MAN1A2: variants seen among roughly 807,000 people sequenced by gnomAD.
The protein encoded by MAN1A2 is mannosyl-oligosaccharide 1,2-alpha-mannosidase IB.
In MAN1A2, 26 loss-of-function variants were observed where a neutral mutation model predicts 75.7. The observed-to-expected ratio is 0.34, with a 90% CI of 0.25 to 0.48. MAN1A2 has a LOEUF of 0.48. MAN1A2 is among the 20% of genes least tolerant of loss of function. The pLI, the probability that MAN1A2 is intolerant of heterozygous loss-of-function variation, is 0.99. For missense variants in MAN1A2, 562 were observed against 775.5 expected (o/e 0.72, Z 3.27); for synonymous variants, 247 against 264.6 (o/e 0.93, Z 0.65).
intron 4 of MAN1A2, 115 bp downstream of exon 4, chr1:117,414,946 ACT>A (rs1321902027): frequency 4.7e-6 from 3 of 635,466 alleles, no homozygotes; most frequent in Non-Finnish European, 8.5e-6. Flanking sequence ...AAACCTAATC[ACT>A]AATGTGACGG....
At position 117,440,883 on chromosome 1, in the gene MAN1A2, A is replaced by G. The variant is rs559590450; in HGVS notation, c.856-1348A>G. ...AAACAGAAGCAATACTGTTTGCTCTATAAGGTAACTTGTGTTTACTAACAT... is the reference window on the plus strand; with the variant it reads ...AAACAGAAGCAATACTGTTTGCTCTGTAAGGTAACTTGTGTTTACTAACAT... On this transcript the variant is annotated intron_variant, in intron 5 of 12. Coordinates refer to ENST00000356554, the MANE Select transcript of MAN1A2 (RefSeq NM_006699.5). Among the ~76,000 whole-genome samples, 96 of 152,270 alleles carry G rather than the reference A, an allele frequency of 6.3e-4. 1 individual carries two copies. In the South Asian group the frequency reaches 9.1e-3, roughly 14 times the overall value.
chr1:117,457,832 C>T (rs1180130321), intron 6 of MAN1A2, among the ~76,000 whole-genome samples: 6 of 152,140 alleles, frequency 3.9e-5, no homozygotes, highest in Admixed American at 1.3e-4. Flanking sequence ...AAAATTATTT[C>T]ATAGTCCAGA....
intron 6 of MAN1A2, among the ~76,000 whole-genome samples, chr1:117,454,032 T>G (rs553830031): frequency 2.4e-4 from 36 of 152,318 alleles, no homozygotes; most frequent in African/African-American, 7.7e-4. Context: ...TTTTTAGCAA[T>G]AAAGTATTTT....
chr1:117,372,594 T>G (rs956377867), intron 1 of MAN1A2, among the ~76,000 whole-genome samples: 1 of 152,172 alleles, frequency 6.6e-6, no homozygotes, highest in Non-Finnish European at 1.5e-5. Context: ...ATATCAAATG[T>G]GTAGTTTGGT....
At chr1:117,499,814 G>A (rs1651145280) in intron 11 of MAN1A2, among the ~76,000 whole-genome samples, 1 of 150,308 alleles carries the variant, frequency 6.7e-6, no homozygotes, top group Admixed American at 6.7e-5. Context: ...GGTTAGTTAA[G>A]TAAAGGAAGC....
At chr1:117,382,767 T>C (rs1653394423) in intron 1 of MAN1A2, among the ~76,000 whole-genome samples, 1 of 152,196 alleles carries the variant, frequency 6.6e-6, no homozygotes, top group South Asian at 2.1e-4. Flanking sequence ...ATAAATTACC[T>C]TGGGCAGTAT....
Position 117,492,642 on chromosome 1 carries a change from A to G in MAN1A2, c.1169-505A>G, listed in dbSNP as rs114354912. Among the ~76,000 whole-genome samples the G allele has an allele frequency of 3.8e-3, 579 of 152,160 alleles. 4 individuals are homozygous for G. The highest frequency in any genetic ancestry group is 0.013 in the African/African-American group (554 of 41,548). ...TACTTATGTTATACAAGGTGATATT[A>G]TAAAGGAATTCTTGGGCTTTTTTTC... On this transcript the variant is annotated intron_variant, in intron 8 of 12. Coordinates refer to ENST00000356554, the MANE Select transcript of MAN1A2 (RefSeq NM_006699.5).
intron 7 of MAN1A2, among the ~76,000 whole-genome samples, chr1:117,465,177 C>G (rs1352787961): frequency 1.3e-5 from 2 of 151,648 alleles, no homozygotes; most frequent in East Asian, 3.9e-4. Flanking sequence ...AAACAGTGTT[C>G]AAAATATAAG....
At chr1:117,486,379 A>G (rs1650701087) in intron 8 of MAN1A2, among the ~76,000 whole-genome samples, 2 of 151,952 alleles carry the variant, frequency 1.3e-5, no homozygotes, top group Admixed American at 6.6e-5. Flanking sequence ...AGTATTCTCT[A>G]TAATAAGGAG....
intron 8 of MAN1A2, among the ~76,000 whole-genome samples, chr1:117,476,959 T>C (rs1650333278): frequency 1.3e-5 from 2 of 152,100 alleles, no homozygotes; most frequent in South Asian, 4.1e-4. Context: ...AGTATGGACA[T>C]TTTCACGATA....
chr1:117,444,114 C>A (rs61805786), intron 6 of MAN1A2, among the ~76,000 whole-genome samples: 38,075 of 151,906 alleles, frequency 0.25, 5,564 homozygotes, highest in East Asian at 0.47. Context: ...TGCTTTTCTG[C>A]TTCTTATCTT....
intron 6 of MAN1A2, among the ~76,000 whole-genome samples, chr1:117,444,838 C>T (rs1278872414): frequency 6.6e-6 from 1 of 151,916 alleles, no homozygotes; most frequent in Non-Finnish European, 1.5e-5. Context: ...CTTATATATA[C>T]AAATATATGT....
At chr1:117,429,574 C>G (rs1239775042) in intron 5 of MAN1A2, among the ~76,000 whole-genome samples, 1 of 81,978 alleles carries the variant, frequency 1.2e-5, no homozygotes, top group Non-Finnish European at 2.6e-5. Context: ...GCTGGCCGGG[C>G]GGGGGGCTGA....
intron 7 of MAN1A2, among the ~76,000 whole-genome samples, chr1:117,465,424 T>C (rs751974008): frequency 3.3e-5 from 5 of 152,158 alleles, no homozygotes; most frequent in Non-Finnish European, 5.9e-5. Flanking sequence ...ACACAGGTAA[T>C]ATAGACAGCA....
chr1:117,442,123 G>A, intron 5 of MAN1A2, 108 bp from the exon 6 acceptor site: 1 of 629,960 alleles, frequency 1.6e-6, no homozygotes, highest in Non-Finnish European at 2.8e-6. Flanking sequence ...CCTACCCTGT[G>A]CTCCCGTGTA....
At chr1:117,435,730 G>A (rs1648825808) in intron 5 of MAN1A2, among the ~76,000 whole-genome samples, 1 of 152,080 alleles carries the variant, frequency 6.6e-6, no homozygotes, top group Admixed American at 6.5e-5. Context: ...TTCTATTTTT[G>A]AAACTAAGCA....
Position 117,447,903 on chromosome 1 carries a change from C to T in MAN1A2, c.950+5578C>T, listed in dbSNP as rs10923300. 4.4e-3 allele frequency among the ~76,000 whole-genome samples: 668 copies of T among 152,186 alleles called. 8 individuals are homozygous for T. Among genetic ancestry groups the T allele is most frequent in the African/African-American group, 0.013 (560 of 41,538 alleles). On this transcript the variant is annotated intron_variant, in intron 6 of 12. Coordinates refer to ENST00000356554, the MANE Select transcript of MAN1A2 (RefSeq NM_006699.5). ...TTTGCTTAGGAATGTCCTGGCTATC[C>T]GAGCTCTTTTTTGATTCCATATGAA...
At chr1:117,463,912 A>C (rs17037307) in intron 7 of MAN1A2, among the ~76,000 whole-genome samples, 16,503 of 152,262 alleles carry the variant, frequency 0.11, 1,016 homozygotes, top group Non-Finnish European at 0.14. Context: ...TTAAAAACTG[A>C]ATTACTTACA....
At chr1:117,394,375 C>T (rs559328058) in intron 1 of MAN1A2, among the ~76,000 whole-genome samples, 3 of 152,158 alleles carry the variant, frequency 2.0e-5, no homozygotes, top group Non-Finnish European at 2.9e-5. Context: ...AGCCACTGCG[C>T]CTGGCCTTCA....
Sources: allele counts gnomAD v4.1 joint callset (sites outside exome capture counted in the v4.1 genomes callset), GRCh38; gene constraint gnomAD v4.1.1; transcripts MANE v1.5; gene names NCBI Gene and HGNC (gene_info 2026-07-23, HGNC 2026-07-21).